Variants in GNAO1 observed in about 807,000 individuals in gnomAD.
The protein encoded by GNAO1 is guanine nucleotide-binding protein G(o) subunit alpha.
For synonymous variants in GNAO1, 164 were observed against 180.7 expected (o/e 0.91, Z 0.74); for missense variants, 166 against 478.7 (o/e 0.35, Z 6.10).
chr16:56,206,642 C>T (rs532166397), intron 2 of GNAO1, among the ~76,000 whole-genome samples: 9 of 152,268 alleles, frequency 5.9e-5, no homozygotes, highest in African/African-American at 1.7e-4. Context: ...CGAAAGTCAT[C>T]AAACTGTATA....
intron 2 of GNAO1, among the ~76,000 whole-genome samples, chr16:56,195,427 A>G (rs1001407732): frequency 3.9e-5 from 6 of 152,122 alleles, no homozygotes; most frequent in Non-Finnish European, 8.8e-5. Flanking sequence ...CCTAGTAACA[A>G]ATTTTTTTGA....
chr16:56,300,063 GCT>G (rs762248935), intron 3 of GNAO1, among the ~76,000 whole-genome samples: 102 of 95,710 alleles, frequency 1.1e-3, no homozygotes, highest in African/African-American at 4.4e-3. Context: ...ACGCACATGT[GCT>G]TGTGAGTGTG....
intron 6 of GNAO1, chr16:56,346,603 C>A (rs571689456): frequency 2.0e-6 from 2 of 985,412 alleles, no homozygotes; most frequent in East Asian, 1.1e-4. Flanking sequence ...TGCCCAGCCC[C>A]AAGCAGAGAG....
chr16:56,248,997 T>C (rs2036774641), intron 2 of GNAO1, among the ~76,000 whole-genome samples: 1 of 152,134 alleles, frequency 6.6e-6, no homozygotes, highest in South Asian at 2.1e-4. Flanking sequence ...TGGTGGCCTA[T>C]ATAAGGTGCT....
intron 2 of GNAO1, among the ~76,000 whole-genome samples, chr16:56,246,902 C>T (rs1216831947): frequency 6.6e-6 from 1 of 152,212 alleles, no homozygotes; most frequent in East Asian, 1.9e-4. Context: ...TCAAGTAGGG[C>T]TCTTCATTAT....
At chr16:56,324,841 G>A (rs1345750488) in intron 3 of GNAO1, among the ~76,000 whole-genome samples, 1 of 152,256 alleles carries the variant, frequency 6.6e-6, no homozygotes, top group African/African-American at 2.4e-5. Context: ...TCCTTCCCAG[G>A]ACAGGCAATG....
chr16:56,232,891 T>G (rs576264804), intron 2 of GNAO1, among the ~76,000 whole-genome samples: 2 of 152,352 alleles, frequency 1.3e-5, no homozygotes, highest in East Asian at 3.9e-4. Context: ...GTGATTCTAT[T>G]TTTATTGCTC....
At chr16:56,350,073 T>TG (rs1212679401) in intron 6 of GNAO1, among the ~76,000 whole-genome samples, 5 of 152,128 alleles carry the variant, frequency 3.3e-5, no homozygotes, top group Non-Finnish European at 7.4e-5. Flanking sequence ...GTGACTGGTG[T>TG]GGTCACTTCA....
At chr16:56,229,488 G>A (rs1417571889) in intron 2 of GNAO1, among the ~76,000 whole-genome samples, 2 of 152,108 alleles carry the variant, frequency 1.3e-5, no homozygotes, top group Non-Finnish European at 2.9e-5. Context: ...GATTACAGGC[G>A]TGAGCCACTG....
At chr16:56,245,076 T>A (rs1370690273) in intron 2 of GNAO1, among the ~76,000 whole-genome samples, 1 of 152,148 alleles carries the variant, frequency 6.6e-6, no homozygotes, top group Admixed American at 6.5e-5. Context: ...CAGCCTACAC[T>A]AGAGTCTTAG....
chr16:56,274,750 T>C (rs1346138471), intron 2 of GNAO1, among the ~76,000 whole-genome samples: 1 of 151,828 alleles, frequency 6.6e-6, no homozygotes, highest in Non-Finnish European at 1.5e-5. Flanking sequence ...CAGTGGTTGC[T>C]TAGGGTAGGG....
intron 2 of GNAO1, among the ~76,000 whole-genome samples, chr16:56,222,003 G>A (rs2036493764): frequency 6.6e-6 from 1 of 152,168 alleles, no homozygotes; most frequent in African/African-American, 2.4e-5. Context: ...GGATGTTGAG[G>A]GAAACTTAGG....
At chr16:56,227,657 T>C (rs1241363993) in intron 2 of GNAO1, among the ~76,000 whole-genome samples, 2 of 121,702 alleles carry the variant, frequency 1.6e-5, no homozygotes, top group South Asian at 2.7e-4. Flanking sequence ...CATTATGCTC[T>C]AGCCTGAGTG....
At chr16:56,310,048 A>G (rs1194844258) in intron 3 of GNAO1, among the ~76,000 whole-genome samples, 1 of 127,868 alleles carries the variant, frequency 7.8e-6, no homozygotes, top group East Asian at 2.0e-4. Flanking sequence ...GCAGTGGCTT[A>G]TACCTATAAT....
intron 6 of GNAO1, among the ~76,000 whole-genome samples, chr16:56,338,554 C>G (rs2037765634): frequency 6.6e-6 from 1 of 152,256 alleles, no homozygotes; most frequent in Admixed American, 6.5e-5. Flanking sequence ...CTTTTTTCCC[C>G]CATGTCCACC....
chr16:56,294,996 A>G (rs1242068493), intron 3 of GNAO1, among the ~76,000 whole-genome samples: 1 of 152,076 alleles, frequency 6.6e-6, no homozygotes, highest in Non-Finnish European at 1.5e-5. Context: ...AGATTTTTTT[A>G]ATATCCCTGA....
chr16:56,197,223 C>T (rs1205400862), intron 2 of GNAO1, among the ~76,000 whole-genome samples: 2 of 152,216 alleles, frequency 1.3e-5, no homozygotes, highest in African/African-American at 4.8e-5. Context: ...CAGGGTCGCA[C>T]GTTGGGTTAG....
At chr16:56,272,269 G>A (rs1396736712) in intron 2 of GNAO1, among the ~76,000 whole-genome samples, 3 of 151,956 alleles carry the variant, frequency 2.0e-5, no homozygotes, top group Admixed American at 6.6e-5. Context: ...AGATTGCGCC[G>A]CTGCACTCCA....
chr16:56,325,869 C>T (rs537004141), intron 3 of GNAO1, among the ~76,000 whole-genome samples: 1 of 152,306 alleles, frequency 6.6e-6, no homozygotes, highest in Admixed American at 6.5e-5. Context: ...TGAGAGTCTT[C>T]TTCATGGGTT....
Sources: gnomAD v4.1 joint callset for allele counts (sites outside exome capture counted in the v4.1 genomes callset) on GRCh38, gnomAD v4.1.1 for gene constraint, MANE v1.5 for transcripts, NCBI Gene and HGNC (gene_info 2026-07-23, HGNC 2026-07-21) for gene names.